The following PAPSS2 variants were observed in gnomAD, a reference collection of about 807,000 sequenced individuals.
PAPSS2 encodes 3'-phosphoadenosine 5'-phosphosulfate synthase 2.
PAPSS2 carries 61 observed loss-of-function variants against 66.5 expected under a neutral mutation model. The observed-to-expected ratio is 0.92, with a 90% CI of 0.75 to 1.14. The LOEUF (loss-of-function observed/expected upper bound fraction) is 1.14. Ranked by LOEUF, PAPSS2 falls within the 50% of genes most tolerant of loss-of-function variation. The pLI, the probability that PAPSS2 is intolerant of heterozygous loss-of-function variation, is 0.00. For missense variants in PAPSS2, 708 were observed against 789.6 expected, an observed-to-expected ratio of 0.90 and a Z score of 1.24; for synonymous variants, 289 against 287.5, an observed-to-expected ratio of 1.01 and a Z score of -0.05.
At chr10:87,670,968 G>A (rs1852869923) in intron 1 of PAPSS2, among the ~76,000 whole-genome samples, 1 of 152,092 alleles carries the variant, frequency 6.6e-6, no homozygotes, top group African/African-American at 2.4e-5. Context: ...GTACCCAACA[G>A]GGTTCCCCAA....
At chr10:87,732,863 G>A (rs1021485665) in intron 9 of PAPSS2, among the ~76,000 whole-genome samples, 2 of 152,094 alleles carry the variant, frequency 1.3e-5, no homozygotes, top group African/African-American at 4.8e-5. Context: ...GGTTATTAGG[G>A]GGACTCGATA....
At chr10:87,715,706 G>A in intron 6 of PAPSS2, 26 bp from the exon 7 acceptor site, 1 of 1,453,006 alleles carries the variant, frequency 6.9e-7, no homozygotes, top group Non-Finnish European at 9.7e-7. Flanking sequence ...TTATGAAAAT[G>A]TTCAACTACT....
At chr10:87,708,512 C>T (rs79472416) in intron 1 of PAPSS2, among the ~76,000 whole-genome samples, 2,439 of 152,246 alleles carry the variant, frequency 0.016, 68 homozygotes, top group African/African-American at 0.056. Context: ...ATCAACCACC[C>T]CCACCCTAGT....
At chr10:87,715,980 G>A in intron 7 of PAPSS2, 137 bp downstream of exon 7, 2 of 704,650 alleles carry the variant, frequency 2.8e-6, no homozygotes, top group Non-Finnish European at 5.2e-6. Flanking sequence ...TTTACAGTGT[G>A]CTCCATTCTA....
At chr10:87,706,397 T>C (rs1238926270) in intron 1 of PAPSS2, among the ~76,000 whole-genome samples, 1 of 151,278 alleles carries the variant, frequency 6.6e-6, no homozygotes, top group Non-Finnish European at 1.5e-5. Context: ...AACAAGGAAA[T>C]TGAAAAAAAG....
chr10:87,665,568 A>T (rs1589416646), intron 1 of PAPSS2, among the ~76,000 whole-genome samples: 1 of 152,184 alleles, frequency 6.6e-6, no homozygotes, highest in Non-Finnish European at 1.5e-5. Context: ...TATTTTGCAC[A>T]TGAGAGCCAG....
At chr10:87,740,931 A>C (rs963684059) in intron 9 of PAPSS2, among the ~76,000 whole-genome samples, 2 of 152,240 alleles carry the variant, frequency 1.3e-5, no homozygotes, top group Non-Finnish European at 2.9e-5. Context: ...TAGGTTTATT[A>C]ATGTTAGCTT....
At position 87,715,082 on chromosome 10, in the gene PAPSS2, C is replaced by T. The variant is rs763556625; in HGVS notation, c.737C>T (p.Ser246Leu). 6.2e-7 allele frequency: 1 copy of T among 1,601,960 alleles called. No individual in the cohort carries two copies. Among genetic ancestry groups the T allele is most frequent in the Non-Finnish European group, 8.6e-7 (1 of 1,168,956 alleles). The change falls in exon 6 of 13, where the codon TCA becomes TTA. Residue 246 changes from serine to leucine, a missense_variant. By Grantham distance (145) the Ser-to-Leu change is moderately radical (BLOSUM62 -2). Coordinates refer to ENST00000456849, the MANE Select transcript of PAPSS2 (RefSeq NM_001015880.2). ...CGAGCTGAGGCTGAAACTCTCCCTT[C>T]ATTATCAATTACTAAGGTAAGTGGG... ...HVRAEAETLP[S>L]LSITKLDLQW...
chr10:87,698,219 G>T (rs1224920350), intron 1 of PAPSS2, among the ~76,000 whole-genome samples: 1 of 152,122 alleles, frequency 6.6e-6, no homozygotes, highest in Non-Finnish European at 1.5e-5. Flanking sequence ...AATCAACTTG[G>T]TTGTATGTAT....
At chr10:87,734,297 C>A (rs571471326) in intron 9 of PAPSS2, among the ~76,000 whole-genome samples, 2 of 152,258 alleles carry the variant, frequency 1.3e-5, no homozygotes, top group Admixed American at 6.5e-5. Flanking sequence ...GACCTTATTA[C>A]CTCCTTTCAG....
rs375978694 is a variant in PAPSS2, at chr10:87,716,038, T to C, written c.865+195T>C. Among the ~76,000 whole-genome samples, 6 of 152,324 alleles carry C rather than the reference T, an allele frequency of 3.9e-5. No individual in the cohort carries two copies. The South Asian group carries it at 6.2e-4, about 16-fold the overall frequency. On this transcript the variant is annotated intron_variant, in intron 7 of 12. Transcript: ENST00000456849. ...AGGATTTTTTGGTTGTTCTCAAAGG[T>C]TGTTCCTTTAAAACTAAGGAACTGA...
At chr10:87,668,738 T>A (rs1394335214) in intron 1 of PAPSS2, among the ~76,000 whole-genome samples, 1 of 151,212 alleles carries the variant, frequency 6.6e-6, no homozygotes, top group Non-Finnish European at 1.5e-5. Flanking sequence ...AATTAGGAGG[T>A]CACCTTTAAG....
At chr10:87,735,550 T>C (rs1435550903) in intron 9 of PAPSS2, among the ~76,000 whole-genome samples, 3 of 152,212 alleles carry the variant, frequency 2.0e-5, no homozygotes, top group Non-Finnish European at 4.4e-5. Flanking sequence ...GAAAATGTTC[T>C]TGTTGAATTA....
chr10:87,741,181 G>A, intron 9 of PAPSS2, 54 bp from the exon 10 acceptor site: 1 of 1,589,518 alleles, frequency 6.3e-7, no homozygotes, highest in Non-Finnish European at 8.6e-7. Flanking sequence ...AAACTTTTCA[G>A]ATAAAATAGA....
Position 87,713,927 on chromosome 10 carries a change from A to C in PAPSS2, c.382-117A>C, listed in dbSNP as rs1219126871. On this transcript the variant is annotated intron_variant, in intron 3 of 12. Transcript: ENST00000456849. ...CTGGACTTTCTCTCAAGCACTCTGC[A>C]AAGCACAAACCCCAGTGTTATCTCA... The C allele has an allele frequency of 3.8e-5, 41 of 1,071,640 alleles. 1 individual carries two copies. The Admixed American group carries it at 5.9e-4, about 15-fold the overall frequency. 66.4% of individuals were successfully genotyped at this position (1,071,640 alleles called of 1,614,324 possible).
intron 1 of PAPSS2, among the ~76,000 whole-genome samples, chr10:87,705,374 C>T (rs1424988886): frequency 6.6e-6 from 1 of 152,154 alleles, no homozygotes; most frequent in Non-Finnish European, 1.5e-5. Context: ...AGTTTTGAGT[C>T]AAATAAAGTT....
At chr10:87,718,286 C>A (rs1353270658) in intron 7 of PAPSS2, among the ~76,000 whole-genome samples, 1 of 152,152 alleles carries the variant, frequency 6.6e-6, no homozygotes, top group Non-Finnish European at 1.5e-5. Flanking sequence ...CCGCCTCAGC[C>A]TCCCAAAGTG....
chr10:87,675,952 A>G (rs533614444), intron 1 of PAPSS2, among the ~76,000 whole-genome samples: 38 of 128,674 alleles, frequency 3.0e-4, no homozygotes, highest in African/African-American at 1.1e-3. Flanking sequence ...TCAGAAAGCT[A>G]TTTTCCCTTT....
rs143871579 is a variant in PAPSS2, at chr10:87,675,844, A to C, written c.27+15836A>C. On this transcript the variant is annotated intron_variant, in intron 1 of 12. Coordinates refer to ENST00000456849, the MANE Select transcript of PAPSS2 (RefSeq NM_001015880.2). Reference sequence around the variant, plus strand: ...GGCTACAAGGTTTCTTGGTTCAGCCAGGCTTGAGAACCTCAGCCTAGCCTA... The same window carrying C: ...GGCTACAAGGTTTCTTGGTTCAGCCCGGCTTGAGAACCTCAGCCTAGCCTA... Among the ~76,000 whole-genome samples, 323 of 152,296 alleles carry C rather than the reference A, an allele frequency of 2.1e-3. 3 individuals are homozygous for C. The highest frequency in any genetic ancestry group is 0.02 in the East Asian group (103 of 5,172).
Sources: gnomAD v4.1 joint callset for allele counts (sites outside exome capture counted in the v4.1 genomes callset) on GRCh38, gnomAD v4.1.1 for gene constraint, MANE v1.5 for transcripts, NCBI Gene and HGNC (gene_info 2026-07-23, HGNC 2026-07-21) for gene names.